UBLCP1: variants seen among roughly 807,000 people sequenced by gnomAD.
The protein encoded by UBLCP1 is ubiquitin like domain containing CTD phosphatase 1, also known as ubiquitin-like domain-containing CTD phosphatase 1.
In UBLCP1, 28 loss-of-function variants were observed where a neutral mutation model predicts 42.4. The observed-to-expected ratio is 0.66, with a 90% confidence interval of 0.49 to 0.90. UBLCP1 has a LOEUF of 0.90. Ranked by LOEUF, UBLCP1 falls within the 40% of genes least tolerant of loss-of-function variation. The probability of loss-of-function intolerance (pLI) is 0.00; values close to 1 mark genes in which losing one functional copy is unlikely to be tolerated. For synonymous variants in UBLCP1, 122 were observed against 120.8 expected, an observed-to-expected ratio of 1.01 and a Z score of -0.07; for missense variants, 279 against 374.5, an observed-to-expected ratio of 0.75 and a Z score of 2.10.
chr5:159,269,355 A>G (rs1753436567), intron 2 of UBLCP1, among the ~76,000 whole-genome samples: 1 of 152,196 alleles, frequency 6.6e-6, no homozygotes, highest in Admixed American at 6.5e-5. Context: ...TCCCGGATGA[A>G]ACTCATTTAT....
intron 1 of UBLCP1, among the ~76,000 whole-genome samples, chr5:159,266,527 T>C (rs1167139193): frequency 6.6e-6 from 1 of 152,172 alleles, no homozygotes; most frequent in African/African-American, 2.4e-5. Context: ...GCATTTTCTG[T>C]GGAGAAATTC....
At chr5:159,266,987 G>A (rs1753403151) in intron 1 of UBLCP1, among the ~76,000 whole-genome samples, 2 of 152,236 alleles carry the variant, frequency 1.3e-5, no homozygotes, top group South Asian at 2.1e-4. Flanking sequence ...CTAGGACAGT[G>A]TGGAAGGGAA....
At chr5:159,277,210 A>G (rs1753550351) in intron 8 of UBLCP1, among the ~76,000 whole-genome samples, 1 of 151,992 alleles carries the variant, frequency 6.6e-6, no homozygotes, top group Non-Finnish European at 1.5e-5. Flanking sequence ...GTAGTAAACA[A>G]GATCAGTAGC....
Position 159,263,353 on chromosome 5 carries a change from C to T in UBLCP1, c.-54C>T, listed in dbSNP as rs558458930. On this transcript the variant is annotated 5_prime_UTR_variant, in exon 1 of 11. Transcript: ENST00000296786. ...GCGTCCGCTGCCGCAGGTTCCACCG[C>T]GCTCCAGGTGAGGGGTTGCGGGGCA... 1.8e-4 allele frequency: 28 copies of T among 152,464 alleles called. No individual in the cohort carries two copies. The highest frequency in any genetic ancestry group is 6.7e-4 in the African/African-American group (28 of 41,588). The allele number at this position is 152,464 out of a possible 1,614,324, so 9.4% of individuals were successfully genotyped here. A position where few individuals can be genotyped will look rare whatever the true frequency, so the allele number is the denominator to read the frequency against.
Position 159,285,197 on chromosome 5 carries a change from CACACACA to C in UBLCP1, c.*267_*273del. 1 of 39,548 alleles carries C rather than the reference CACACACA, an allele frequency of 2.5e-5. No homozygotes were observed. The highest frequency in any genetic ancestry group is 4.0e-5 in the Non-Finnish European group (1 of 25,082). 2.4% of individuals were successfully genotyped at this position (39,548 alleles called of 1,614,324 possible). ...GTTACTGACCACCCCACCCTCCCAC[CACACACA>C]CACACACACACACACACACACACAC... On this transcript the variant is annotated 3_prime_UTR_variant, in exon 11 of 11. Transcript: ENST00000296786.
Position 159,282,295 on chromosome 5 carries a change from C to A in UBLCP1, c.802-917C>A, listed in dbSNP as rs749254028. Among the ~76,000 whole-genome samples the A allele has an allele frequency of 8.8e-4, 134 of 152,116 alleles. 1 individual carries two copies. Among genetic ancestry groups the A allele is most frequent in the Middle Eastern group, 6.8e-3 (2 of 294 alleles). On this transcript the variant is annotated intron_variant, in intron 9 of 10. Coordinates refer to ENST00000296786, the MANE Select transcript of UBLCP1 (RefSeq NM_145049.5). ...TGAAGCTATAAAATAAGGAAAAGTG[C>A]ATAAATTTATAGTTCAACAAACTGT...
intron 6 of UBLCP1, among the ~76,000 whole-genome samples, chr5:159,272,410 ATTT>A (rs879932057): frequency 7.0e-6 from 1 of 143,782 alleles, no homozygotes; most frequent in Non-Finnish European, 1.5e-5. Context: ...TTTCCTTCTG[ATTT>A]TTTTTTTTTT....
At chr5:159,279,749 A>G (rs1753584913) in intron 9 of UBLCP1, among the ~76,000 whole-genome samples, 1 of 152,186 alleles carries the variant, frequency 6.6e-6, no homozygotes, top group African/African-American at 2.4e-5. Flanking sequence ...GCTTTTCTTA[A>G]TATGTACTGC....
chr5:159,274,463 G>T (rs1753509487), intron 6 of UBLCP1, 122 bp from the exon 7 acceptor site: 1 of 676,512 alleles, frequency 1.5e-6, no homozygotes, highest in East Asian at 2.9e-5. Flanking sequence ...AAGTATGCTA[G>T]GGACTGTTAA....
intron 6 of UBLCP1, among the ~76,000 whole-genome samples, 159 bp downstream of exon 6, chr5:159,272,280 T>G (rs1753477400): frequency 6.6e-6 from 1 of 152,240 alleles, no homozygotes; most frequent in Non-Finnish European, 1.5e-5. Flanking sequence ...CAATATAAAC[T>G]TAAACATATA....
At chr5:159,281,861 CAAAA>C (rs5872593) in intron 9 of UBLCP1, among the ~76,000 whole-genome samples, 1 of 142,170 alleles carries the variant, frequency 7.0e-6, no homozygotes, top group Non-Finnish European at 1.6e-5. Flanking sequence ...AACTAATGAC[CAAAA>C]AAAAAAAAAA....
chr5:159,272,272 A>G (rs1262425224), intron 6 of UBLCP1, 151 bp downstream of exon 6: 3 of 627,642 alleles, frequency 4.8e-6, no homozygotes, highest in African/African-American at 1.8e-5. Flanking sequence ...ATGTATCACA[A>G]TATAAACTTA....
chr5:159,267,648 T>A lies in UBLCP1; in HGVS notation c.-46-1222T>A, dbSNP rs117788486. 1.8e-3 allele frequency among the ~76,000 whole-genome samples: 272 copies of A among 152,246 alleles called. 3 individuals are homozygous for A. The East Asian group carries it at 0.027, about 15-fold the overall frequency. ...CACCAAAATCTCAACTTGAATGATA[T>A]CTCCCATAATTCCTATGTGTTATGA... On this transcript the variant is annotated intron_variant, in intron 1 of 10. Transcript: ENST00000296786.
chr5:159,266,841 G>A (rs549830004), intron 1 of UBLCP1, among the ~76,000 whole-genome samples: 103 of 152,358 alleles, frequency 6.8e-4, no homozygotes, highest in African/African-American at 2.3e-3. Context: ...TCCATATGGT[G>A]TTGAGCCTGT....
chr5:159,280,777 G>C (rs1157897512), intron 9 of UBLCP1, among the ~76,000 whole-genome samples: 1 of 152,168 alleles, frequency 6.6e-6, no homozygotes, highest in Non-Finnish European at 1.5e-5. Flanking sequence ...AAGGTTTGAA[G>C]TACATGGAAG....
intron 9 of UBLCP1, among the ~76,000 whole-genome samples, chr5:159,280,682 C>G (rs1373229914): frequency 6.6e-6 from 1 of 152,134 alleles, no homozygotes; most frequent in Non-Finnish European, 1.5e-5. Context: ...TGGTAGAAAT[C>G]TCAAAGATTT....
At position 159,263,316 on chromosome 5, in the gene UBLCP1, C is replaced by A. The variant is rs900528743; in HGVS notation, c.-91C>A. ...CTTCCGGTCGCTTTCGGTCTCTCAGCGGCCGGTTTCTGCGTCCGCTGCCGC... is the reference window on the plus strand; with the variant it reads ...CTTCCGGTCGCTTTCGGTCTCTCAGAGGCCGGTTTCTGCGTCCGCTGCCGC... On this transcript the variant is annotated 5_prime_UTR_variant, in exon 1 of 11. Transcript: ENST00000296786. The A allele has an allele frequency of 6.6e-6, 1 of 152,400 alleles. No homozygotes were observed. The highest frequency in any genetic ancestry group is 2.4e-5 in the African/African-American group (1 of 41,464). The allele number at this position is 152,400 out of a possible 1,614,324, so 9.4% of individuals were successfully genotyped here.
At chr5:159,263,663 G>T (rs548382561) in intron 1 of UBLCP1, among the ~76,000 whole-genome samples, 17 of 152,254 alleles carry the variant, frequency 1.1e-4, no homozygotes, top group Non-Finnish European at 2.5e-4. Flanking sequence ...CTTGTTGAAG[G>T]CATCCCGGCC....
chr5:159,282,339 A>C (rs1210879001), intron 9 of UBLCP1, among the ~76,000 whole-genome samples: 2 of 152,130 alleles, frequency 1.3e-5, no homozygotes, highest in Non-Finnish European at 2.9e-5. Context: ...TTCTTGTAAA[A>C]AATTTTATTC....
Sources: gnomAD v4.1 joint callset for allele counts (sites outside exome capture counted in the v4.1 genomes callset) on GRCh38, gnomAD v4.1.1 for gene constraint, MANE v1.5 for transcripts, NCBI Gene and HGNC (gene_info 2026-07-23, HGNC 2026-07-21) for gene names.